PCDHGB1: variants seen among roughly 807,000 people sequenced by gnomAD.
The protein encoded by PCDHGB1 is protocadherin gamma subfamily B, 1.
A neutral mutation model predicts 56.6 loss-of-function variants in PCDHGB1; 34 were observed. That is an observed-to-expected ratio of 0.60 (90% CI 0.46 to 0.80). The LOEUF is 0.80. Ranked by LOEUF, PCDHGB1 falls within the 30% of genes least tolerant of loss-of-function variation. The pLI is 0.00. For missense variants in PCDHGB1, 1,278 were observed against 1,204.6 expected, an observed-to-expected ratio of 1.06 and a Z score of -0.90; for synonymous variants, 561 against 505.9, an observed-to-expected ratio of 1.11 and a Z score of -1.46.
Position 141,512,703 on chromosome 5 carries a change from T to C in PCDHGB1, c.*1530T>C. ...TAGCCAGTAGTGTAGTGCGGTGTGC[T>C]TTTACGTGATGGCGGGTGGGCAGCG... On this transcript the variant is annotated 3_prime_UTR_variant, in exon 4 of 4. Coordinates refer to ENST00000523390, the MANE Select transcript of PCDHGB1 (RefSeq NM_018922.3). 1 of 152,958 alleles carries C rather than the reference T, an allele frequency of 6.5e-6. No individual in the cohort carries two copies. Among genetic ancestry groups the C allele is most frequent in the East Asian group, 1.9e-4 (1 of 5,212 alleles). 9.5% of individuals were successfully genotyped at this position (152,958 alleles called of 1,614,324 possible).
chr5:141,456,026 T>A (rs2098840894), intron 1 of PCDHGB1, among the ~76,000 whole-genome samples: 1 of 151,690 alleles, frequency 6.6e-6, no homozygotes, highest in African/African-American at 2.4e-5. Context: ...GCCTCCCGAG[T>A]AGCTGGGACT....
rs1355845145 is a variant in PCDHGB1 at position 141,356,939 on chromosome 5, G to A, written c.2409+4270G>A. 2 of 1,614,232 alleles carry A rather than the reference G, an allele frequency of 1.2e-6. No homozygotes were observed. The highest frequency in any genetic ancestry group is 1.7e-6 in the Non-Finnish European group (2 of 1,180,038). ...TCCACTGGTGTGGAGCTGGCACCCC[G>A]CTCCGCAGATTCCGGCTACCTGGTG... On this transcript the variant is annotated intron_variant, in intron 1 of 3. Coordinates refer to ENST00000523390, the MANE Select transcript of PCDHGB1 (RefSeq NM_018922.3).
At chr5:141,419,543 G>T (rs573594140) in intron 1 of PCDHGB1, 1 of 1,612,106 alleles carries the variant, frequency 6.2e-7, no homozygotes, top group East Asian at 2.2e-5. Flanking sequence ...CGCACCGCGG[G>T]TGCTGTACCC....
intron 1 of PCDHGB1, chr5:141,423,386 G>T: frequency 6.2e-7 from 1 of 1,614,160 alleles, no homozygotes; most frequent in Middle Eastern, 1.7e-4. Flanking sequence ...CTGTGGCGCT[G>T]GCATAAGTCA....
At chr5:141,386,536 G>C (rs919634660) in intron 1 of PCDHGB1, among the ~76,000 whole-genome samples, 6 of 151,656 alleles carry the variant, frequency 4.0e-5, no homozygotes, top group Admixed American at 6.6e-5. Flanking sequence ...TTTTAGACTA[G>C]TGTTGTATTT....
chr5:141,443,029 C>A (rs1281303741), intron 1 of PCDHGB1, among the ~76,000 whole-genome samples: 1 of 152,192 alleles, frequency 6.6e-6, no homozygotes, highest in Admixed American at 6.5e-5. Flanking sequence ...AGTTGCCAGA[C>A]CTAAACTTTG....
At chr5:141,426,933 G>A (rs1294433096) in intron 1 of PCDHGB1, 1 of 456,660 alleles carries the variant, frequency 2.2e-6, no homozygotes, top group Non-Finnish European at 4.4e-6. Context: ...GGACATGGGT[G>A]ACCCAGTCCC....
intron 1 of PCDHGB1, chr5:141,370,814 G>A (rs1177067134): frequency 9.9e-6 from 16 of 1,613,906 alleles, no homozygotes; most frequent in Non-Finnish European, 1.4e-5. Flanking sequence ...TCACTGAGCT[G>A]GAAATCAGCG....
chr5:141,412,346 T>C (rs1489657145), intron 1 of PCDHGB1: 1 of 152,238 alleles, frequency 6.6e-6, no homozygotes, highest in African/African-American at 2.4e-5. Flanking sequence ...TATGTTCATT[T>C]TAGTTTGTGA....
rs1384424498 is a variant in PCDHGB1, at chr5:141,431,677, G to A, written c.2410-63130G>A. On this transcript the variant is annotated intron_variant, in intron 1 of 3. Coordinates refer to ENST00000523390, the MANE Select transcript of PCDHGB1 (RefSeq NM_018922.3). This position sits in a 1 kb window ranked among gnomAD's most constrained non-coding sequence, Gnocchi z 4.8. The stretch of plus-strand genomic sequence containing the variant: ...CAGGGACAATATCAACAATAGGGGA[G>A]TTGGACCACGAGGAGTCAGGATTCT... 2 of 1,614,236 alleles carry A rather than the reference G, an allele frequency of 1.2e-6. No homozygotes were observed. The highest frequency in any genetic ancestry group is 1.7e-6 in the Non-Finnish European group (2 of 1,180,050).
intron 1 of PCDHGB1, chr5:141,376,624 A>C (rs1350295838): frequency 7.4e-6 from 10 of 1,343,058 alleles, no homozygotes; most frequent in Non-Finnish European, 9.1e-6. Context: ...TTGGTACAGG[A>C]AGATTCGTGA....
intron 1 of PCDHGB1, chr5:141,415,652 A>AG: frequency 6.3e-7 from 1 of 1,590,778 alleles, no homozygotes; most frequent in African/African-American, 1.4e-5. Flanking sequence ...AAAAAAAAAA[A>AG]GATTGGTTTT....
At chr5:141,484,300 C>G (rs927710366) in intron 1 of PCDHGB1, among the ~76,000 whole-genome samples, 1 of 152,190 alleles carries the variant, frequency 6.6e-6, no homozygotes, top group Non-Finnish European at 1.5e-5. Context: ...CTCCTGGCTT[C>G]CTCCACCCCG....
intron 1 of PCDHGB1, chr5:141,484,876 A>T (rs1461505847): frequency 6.3e-6 from 2 of 315,126 alleles, no homozygotes; most frequent in Admixed American, 9.4e-5. Flanking sequence ...CGTGGAGGAT[A>T]GGGTGGGCTT....
Position 141,414,170 on chromosome 5 carries a change from T to C in PCDHGB1, c.2409+61501T>C, listed in dbSNP as rs1411353386. The C allele has an allele frequency of 6.2e-7, 1 of 1,606,208 alleles. No homozygotes were observed. The highest frequency in any genetic ancestry group is 1.7e-5 in the Admixed American group (1 of 58,580). The stretch of plus-strand genomic sequence containing the variant: ...CAAGCAGAAGATGGAGGAGCATATC[T>C]TGCAACTGCAAAAGTGTTGATTACA... On this transcript the variant is annotated intron_variant, in intron 1 of 3. Coordinates refer to ENST00000523390, the MANE Select transcript of PCDHGB1 (RefSeq NM_018922.3).
chr5:141,371,466 GA>G (rs756224078), intron 1 of PCDHGB1: 1 of 1,613,980 alleles, frequency 6.2e-7, no homozygotes, highest in Non-Finnish European at 8.5e-7. Context: ...ACATATACAA[GA>G]AGATGCTGAG....
chr5:141,350,882 A>C lies in PCDHGB1; in HGVS notation c.622A>C (p.Ile208Leu). The change falls in exon 1 of 4, where the codon ATC becomes CTC. Residue 208 changes from isoleucine (I) to leucine (L), a missense_variant. By Grantham distance (5) the Ile-to-Leu change is conservative. Transcript: ENST00000523390. ...GGAACATCAGAGCTCTCATCGCTTA[A>C]TCCTGACTGCCATGGATGGCGGGGA... ...DREHQSSHRL[I>L]LTAMDGGDPP... 1 of 1,614,052 alleles carries C rather than the reference A, an allele frequency of 6.2e-7. No homozygotes were observed. Among genetic ancestry groups the C allele is most frequent in the Non-Finnish European group, 8.5e-7 (1 of 1,179,910 alleles).
chr5:141,372,063 G>T, intron 1 of PCDHGB1: 2 of 1,613,548 alleles, frequency 1.2e-6, no homozygotes. Context: ...CGACCGCAAC[G>T]ACAATGCACC....
chr5:141,446,458 G>A (rs2098502933), intron 1 of PCDHGB1, among the ~76,000 whole-genome samples: 1 of 151,662 alleles, frequency 6.6e-6, no homozygotes, highest in African/African-American at 2.4e-5. Flanking sequence ...TATTCAGTGT[G>A]TGATTAGACA....
Sources: gnomAD v4.1 joint callset for allele counts (sites outside exome capture counted in the v4.1 genomes callset) on GRCh38, gnomAD v4.1.1 for gene constraint, Gnocchi (gnomAD v3.1) non-coding constraint, MANE v1.5 for transcripts, NCBI Gene and HGNC (gene_info 2026-07-23, HGNC 2026-07-21) for gene names.